SLC25A26: variants seen among roughly 807,000 people sequenced by gnomAD.
SLC25A26 encodes mitochondrial S-adenosylmethionine carrier protein.
SLC25A26 carries 36 observed loss-of-function variants against 37.8 expected under a neutral mutation model. That is an observed-to-expected ratio of 0.95 (90% CI 0.73 to 1.26). The LOEUF is 1.26. Among genes scored for constraint, SLC25A26 ranks in the 50% most tolerant of loss-of-function variants. SLC25A26 has a pLI of 0.00. For synonymous variants in SLC25A26, 129 were observed against 122.5 expected, an observed-to-expected ratio of 1.05 and a Z score of -0.35; for missense variants, 390 against 331.1, an observed-to-expected ratio of 1.18 and a Z score of -1.38.
chr3:66,356,957 G>A (rs776743773), intron 6 of SLC25A26, among the ~76,000 whole-genome samples: 2 of 152,096 alleles, frequency 1.3e-5, no homozygotes, highest in Non-Finnish European at 1.5e-5. Flanking sequence ...TAACTCTTCT[G>A]TAAATCTAAA....
intron 5 of SLC25A26, among the ~76,000 whole-genome samples, chr3:66,292,608 G>C (rs970481485): frequency 1.3e-5 from 2 of 152,196 alleles, no homozygotes; most frequent in Non-Finnish European, 2.9e-5. Context: ...TTTTAAGAAT[G>C]TTGAATATTG....
At chr3:66,216,739 T>C (rs931778234), upstream of SLC25A26, among the ~76,000 whole-genome samples, 1 of 148,964 alleles carries the variant, frequency 6.7e-6, no homozygotes, top group Non-Finnish European at 1.5e-5. Flanking sequence ...TGGCTTACAG[T>C]GATAGATTTA....
At chr3:66,347,018 T>TA (rs1025883131) in intron 6 of SLC25A26, among the ~76,000 whole-genome samples, 70 of 150,030 alleles carry the variant, frequency 4.7e-4, no homozygotes, top group South Asian at 1.5e-3. Flanking sequence ...GTGAGCTATT[T>TA]AAAAAAAAAA....
intron 5 of SLC25A26, among the ~76,000 whole-genome samples, chr3:66,308,474 C>G (rs1167253574): frequency 6.6e-6 from 1 of 152,174 alleles, no homozygotes; most frequent in Admixed American, 6.5e-5. Flanking sequence ...TCCTCTCTTC[C>G]TATTTGAATA....
At chr3:66,335,846 T>G (rs1426441340) in intron 5 of SLC25A26, among the ~76,000 whole-genome samples, 1 of 152,156 alleles carries the variant, frequency 6.6e-6, no homozygotes. Context: ...TTAACAGGGC[T>G]GCTTTCAAAG....
intron 5 of SLC25A26, among the ~76,000 whole-genome samples, chr3:66,267,887 G>A (rs373474990): frequency 1.6e-4 from 25 of 152,272 alleles, no homozygotes; most frequent in African/African-American, 6.0e-4. Context: ...TAAATCCAGT[G>A]GCTGGAAACG....
chr3:66,201,847 CAG>C (rs1396302822), intron 1 of SLC25A26, among the ~76,000 whole-genome samples: 2 of 152,104 alleles, frequency 1.3e-5, no homozygotes, highest in Non-Finnish European at 2.9e-5. Context: ...ATGGGCAAGA[CAG>C]AGAGTTTCAC....
intron 1 of SLC25A26, among the ~76,000 whole-genome samples, chr3:66,152,329 A>G (rs2070220008): frequency 6.6e-6 from 1 of 152,238 alleles, no homozygotes; most frequent in Non-Finnish European, 1.5e-5. Context: ...GCTTCGAGCA[A>G]TACATCAATG....
chr3:66,146,269 G>A (rs1182284844), intron 1 of SLC25A26, among the ~76,000 whole-genome samples: 1 of 151,564 alleles, frequency 6.6e-6, no homozygotes, highest in Non-Finnish European at 1.5e-5. Flanking sequence ...GAACCCGGGA[G>A]ACAGAGGTTG....
At chr3:66,326,838 C>A (rs375301922) in intron 5 of SLC25A26, among the ~76,000 whole-genome samples, 3 of 152,124 alleles carry the variant, frequency 2.0e-5, no homozygotes, top group Admixed American at 6.5e-5. Context: ...TGGCAGAAAG[C>A]CCGGACAGTC....
intron 5 of SLC25A26, among the ~76,000 whole-genome samples, chr3:66,268,427 A>C (rs2073837986): frequency 6.6e-6 from 1 of 152,226 alleles, no homozygotes; most frequent in African/African-American, 2.4e-5. Flanking sequence ...TAAAGACAAA[A>C]CATGATGTCA....
At chr3:66,293,005 A>T (rs1164057917) in intron 5 of SLC25A26, 1 of 151,496 alleles carries the variant, frequency 6.6e-6, no homozygotes, top group Non-Finnish European at 1.5e-5. Flanking sequence ...TTTTTTCTCT[A>T]ATCTTGTCTT....
intron 5 of SLC25A26, among the ~76,000 whole-genome samples, chr3:66,314,329 A>G (rs771533705): frequency 5.9e-5 from 9 of 152,048 alleles, no homozygotes; most frequent in Non-Finnish European, 1.3e-4. Flanking sequence ...ACATGAAAGG[A>G]TGTTGAGTTT....
intron 3 of SLC25A26, among the ~76,000 whole-genome samples, chr3:66,244,281 T>C (rs1678093): frequency 0.13 from 19,477 of 152,228 alleles, 2,071 homozygotes; most frequent in African/African-American, 0.27. Context: ...TTTCAGGAGA[T>C]GTAACAAGCC....
rs1048978065 is a variant in SLC25A26, at chr3:66,191,578, G to A, written c.-353-29164G>A. Reference sequence around the variant, plus strand: ...AGGTAGGTATAGACTGAATGTTTGTGTTCCCCCCAAATTTGTAAGTTAAAA... The same window carrying A: ...AGGTAGGTATAGACTGAATGTTTGTATTCCCCCCAAATTTGTAAGTTAAAA... On this transcript the variant is annotated intron_variant, in intron 1 of 10. Coordinates refer to the SLC25A26 transcript ENST00000676754. Among the ~76,000 whole-genome samples the A allele has an allele frequency of 2.8e-3, 429 of 152,064 alleles. 1 individual carries two copies. The highest frequency in any genetic ancestry group is 4.0e-3 in the Non-Finnish European group (273 of 67,958).
At chr3:66,174,077 A>C (rs902380965) in intron 1 of SLC25A26, among the ~76,000 whole-genome samples, 2 of 152,072 alleles carry the variant, frequency 1.3e-5, no homozygotes, top group Non-Finnish European at 2.9e-5. Flanking sequence ...AAAAACATGA[A>C]AGTCTAACAA....
At chr3:66,286,421 A>G (rs1482412391) in intron 5 of SLC25A26, among the ~76,000 whole-genome samples, 1 of 152,106 alleles carries the variant, frequency 6.6e-6, no homozygotes, top group African/African-American at 2.4e-5. Flanking sequence ...ATAGATGTCT[A>G]GTTATTCTAA....
intron 3 of SLC25A26, among the ~76,000 whole-genome samples, chr3:66,260,415 A>C (rs996027244): frequency 1.3e-5 from 2 of 152,236 alleles, no homozygotes; most frequent in Admixed American, 6.5e-5. Context: ...GAAGCATTCA[A>C]ATGTTCAGTG....
intron 1 of SLC25A26, among the ~76,000 whole-genome samples, chr3:66,164,839 A>G (rs1189042114): frequency 6.6e-6 from 1 of 152,170 alleles, no homozygotes; most frequent in African/African-American, 2.4e-5. Context: ...CAACCCAGTT[A>G]TCATGGTGGT....
Sources: gnomAD v4.1 joint callset for allele counts (sites outside exome capture counted in the v4.1 genomes callset) on GRCh38, gnomAD v4.1.1 for gene constraint, MANE v1.5 for transcripts, NCBI Gene and HGNC (gene_info 2026-07-23, HGNC 2026-07-21) for gene names.